Variants in DAB2IP observed in about 807,000 individuals in gnomAD.
DAB2IP encodes the protein DAB2 interacting protein.
DAB2IP carries 28 observed loss-of-function variants against 107.2 expected under a neutral mutation model. The ratio of observed to expected loss-of-function variants is 0.26; its 90% CI spans 0.19 to 0.36. The LOEUF (loss-of-function observed/expected upper bound fraction) is 0.36. Among genes scored for constraint, DAB2IP ranks in the 10% least tolerant of loss-of-function variants. The pLI, the probability that DAB2IP is intolerant of heterozygous loss-of-function variation, is 1.00. For synonymous variants in DAB2IP, 755 were observed against 706.4 expected (o/e 1.07, Z -1.09); for missense variants, 1,400 against 1,644.7 (o/e 0.85, Z 2.57).
At chr9:121,594,538 A>G (rs540221176) in intron 1 of DAB2IP, among the ~76,000 whole-genome samples, 6 of 152,230 alleles carry the variant, frequency 3.9e-5, no homozygotes, top group African/African-American at 1.2e-4. Flanking sequence ...TTTGACTTTG[A>G]AGTTCACATT....
chr9:121,673,829 C>T (rs1482337290), intron 1 of DAB2IP, among the ~76,000 whole-genome samples: 2 of 152,140 alleles, frequency 1.3e-5, no homozygotes, highest in Non-Finnish European at 2.9e-5. Context: ...ACCACGGGCA[C>T]ATCACAGCTC....
chr9:121,641,861 T>TGTCCA (rs1181526906), intron 1 of DAB2IP, among the ~76,000 whole-genome samples: 1 of 142,822 alleles, frequency 7.0e-6, no homozygotes, highest in Non-Finnish European at 1.5e-5. Flanking sequence ...TCTTTCTTTC[T>TGTCCA]TTTCTTTCTT....
chr9:121,740,339 G>C (rs566456259), intron 3 of DAB2IP, among the ~76,000 whole-genome samples: 3 of 152,156 alleles, frequency 2.0e-5, no homozygotes, highest in Non-Finnish European at 4.4e-5. Flanking sequence ...GCCCTGTCAC[G>C]TTTTTGGACT....
Position 121,758,711 on chromosome 9 carries a change from C to T in DAB2IP, c.517-187C>T, listed in dbSNP as rs148912439. Among the ~76,000 whole-genome samples, 47 of 152,292 alleles carry T rather than the reference C, an allele frequency of 3.1e-4. No homozygotes were observed. The Middle Eastern group carries it at 0.014, about 44-fold the overall frequency. On this transcript the variant is annotated intron_variant, in intron 4 of 15. Coordinates refer to ENST00000408936, the Ensembl canonical transcript of DAB2IP. ...CTGCTGACTTGCCCTGGGACAGTGG[C>T]TCTCAAGTGTACCACCTGCAAAACA...
chr9:121,774,141 G>A, intron 12 of DAB2IP, 119 bp from the exon 13 acceptor site: 1 of 1,164,894 alleles, frequency 8.6e-7, no homozygotes, highest in South Asian at 1.8e-5. Context: ...TCAGCTGGAG[G>A]TCCCCTCTTC....
Position 121,592,289 on chromosome 9 carries a change from C to T in DAB2IP, c.40+25061C>T, listed in dbSNP as rs1830434299. 1.3e-5 allele frequency among the ~76,000 whole-genome samples: 2 copies of T among 152,078 alleles called. 1 individual carries two copies. The highest frequency in any genetic ancestry group is 2.9e-5 in the Non-Finnish European group (2 of 68,026). Reference sequence around the variant, plus strand: ...GCTGAGGCAGGAGAATCACTTGAACCCTGGAGGTGGAGGCTGCAGTGAGCC... The same window carrying T: ...GCTGAGGCAGGAGAATCACTTGAACTCTGGAGGTGGAGGCTGCAGTGAGCC... On this transcript the variant is annotated intron_variant, in intron 1 of 16. Transcript: ENST00000259371.
Position 121,782,646 on chromosome 9 carries a change from C to T in DAB2IP, c.*148C>T, listed in dbSNP as rs925425003. 26 of 1,465,958 alleles carry T rather than the reference C, an allele frequency of 1.8e-5. No homozygotes were observed. The highest frequency in any genetic ancestry group is 2.8e-5 in the African/African-American group (2 of 70,416). The allele number at this position is 1,465,958 out of a possible 1,614,324, so 90.8% of individuals were successfully genotyped here. On this transcript the variant is annotated 3_prime_UTR_variant, in exon 16 of 16. Coordinates refer to ENST00000408936, the Ensembl canonical transcript of DAB2IP. The surrounding 1 kb of genome is among the most constrained non-coding windows in gnomAD (Gnocchi z 6.1). Reference sequence around the variant, plus strand: ...CCCCTCCCTGCCGCTGTCCAGGAGGCGGCCGCAGAGGGAGCCACCAGAGAC... The same window carrying T: ...CCCCTCCCTGCCGCTGTCCAGGAGGTGGCCGCAGAGGGAGCCACCAGAGAC...
At chr9:121,617,228 G>T (rs1236012351) in intron 1 of DAB2IP, among the ~76,000 whole-genome samples, 2 of 152,194 alleles carry the variant, frequency 1.3e-5, no homozygotes, top group Non-Finnish European at 2.9e-5. Context: ...AGGAAGCTGA[G>T]GTGGGAGAAT....
intron 1 of DAB2IP, among the ~76,000 whole-genome samples, chr9:121,616,849 G>T (rs1831297001): frequency 1.3e-5 from 2 of 152,218 alleles, no homozygotes; most frequent in South Asian, 4.1e-4. Context: ...CTCCCAGTTG[G>T]CTTGACCTTT....
At chr9:121,752,355 A>T (rs539628777) in intron 3 of DAB2IP, among the ~76,000 whole-genome samples, 14 of 149,320 alleles carry the variant, frequency 9.4e-5, no homozygotes, top group Admixed American at 7.9e-4. Context: ...AGCTTAGCTG[A>T]CCTTGGCTGC....
At chr9:121,587,265 C>T (rs1404986901) in intron 1 of DAB2IP, among the ~76,000 whole-genome samples, 1 of 151,956 alleles carries the variant, frequency 6.6e-6, no homozygotes, top group Non-Finnish European at 1.5e-5. Flanking sequence ...GCAGAGGAAA[C>T]AGCTTGAGGA....
At chr9:121,706,054 C>T (rs1445934822) in intron 3 of DAB2IP, among the ~76,000 whole-genome samples, 2 of 152,342 alleles carry the variant, frequency 1.3e-5, no homozygotes, top group East Asian at 3.9e-4. Context: ...CTTAGCTTCT[C>T]TCTGCTCTGA....
intron 1 of DAB2IP, among the ~76,000 whole-genome samples, chr9:121,602,725 G>A (rs1260441516): frequency 3.9e-5 from 6 of 152,132 alleles, no homozygotes; most frequent in East Asian, 1.9e-4. Flanking sequence ...ACAGGCGCCC[G>A]CCACCACGCC....
chr9:121,573,918 A>G (rs917093343), intron 1 of DAB2IP, among the ~76,000 whole-genome samples: 1 of 152,064 alleles, frequency 6.6e-6, no homozygotes, highest in African/African-American at 2.4e-5. Context: ...GTGCCTGTGG[A>G]AAATCCTCTC....
chr9:121,592,061 G>A (rs1448302488), intron 1 of DAB2IP, among the ~76,000 whole-genome samples: 1 of 152,158 alleles, frequency 6.6e-6, no homozygotes, highest in Non-Finnish European at 1.5e-5. Flanking sequence ...CTTCCCGAGA[G>A]CCATTAGGAA....
At chr9:121,645,236 G>A (rs953749718) in intron 1 of DAB2IP, among the ~76,000 whole-genome samples, 1 of 152,228 alleles carries the variant, frequency 6.6e-6, no homozygotes, top group Admixed American at 6.5e-5. Context: ...GAAGTACACA[G>A]AGAGAGTGGC....
rs577507 is a variant in DAB2IP at position 121,592,792 on chromosome 9, A to G, written c.40+25564A>G. Among the ~76,000 whole-genome samples, 287 of 152,264 alleles carry G rather than the reference A, an allele frequency of 1.9e-3. 3 individuals are homozygous for G. Among genetic ancestry groups the G allele is most frequent in the Non-Finnish European group, 3.5e-3 (239 of 68,022 alleles). The stretch of plus-strand genomic sequence containing the variant: ...TCACTCCAGACACATCCCTTGGGGA[A>G]GGTGCTGCAGGCTCTGTCGCCCCTA... On this transcript the variant is annotated intron_variant, in intron 1 of 16. Coordinates refer to the DAB2IP transcript ENST00000259371.
chr9:121,626,395 T>C (rs1054477653), intron 1 of DAB2IP, among the ~76,000 whole-genome samples: 8 of 148,770 alleles, frequency 5.4e-5, no homozygotes, highest in Non-Finnish European at 1.0e-4. Flanking sequence ...GCAGACGAGA[T>C]AGTGTAGACC....
intron 3 of DAB2IP, among the ~76,000 whole-genome samples, chr9:121,756,248 C>A (rs532573354): frequency 1.3e-5 from 2 of 152,186 alleles, no homozygotes; most frequent in Non-Finnish European, 2.9e-5. Context: ...CAGAGGAGAA[C>A]GATTTCCCCA....
Sources: gnomAD v4.1 joint callset for allele counts (sites outside exome capture counted in the v4.1 genomes callset) on GRCh38, gnomAD v4.1.1 for gene constraint, Gnocchi (gnomAD v3.1) non-coding constraint, MANE v1.5 for transcripts, NCBI Gene and HGNC (gene_info 2026-07-23, HGNC 2026-07-21) for gene names.